DPH6: variants seen among roughly 807,000 people sequenced by gnomAD.
DPH6 encodes the protein diphthamine biosynthesis 6.
DPH6 carries 33 observed loss-of-function variants against 38.2 expected under a neutral mutation model. The observed-to-expected ratio is 0.86, with a 90% CI of 0.65 to 1.15. The LOEUF (loss-of-function observed/expected upper bound fraction) is 1.15. Ranked by LOEUF, DPH6 falls within the 50% of genes most tolerant of loss-of-function variation. The pLI, the probability that DPH6 is intolerant of heterozygous loss-of-function variation, is 0.00. For missense variants in DPH6, 325 were observed against 320.0 expected, an observed-to-expected ratio of 1.02 and a Z score of -0.12; for synonymous variants, 108 against 103.0, an observed-to-expected ratio of 1.05 and a Z score of -0.30.
At chr15:35,526,228 T>A (rs996176454) in intron 3 of DPH6, among the ~76,000 whole-genome samples, 3 of 152,172 alleles carry the variant, frequency 2.0e-5, no homozygotes, top group African/African-American at 7.2e-5. Flanking sequence ...GTAAGAGAAC[T>A]GGTCTTAAAA....
At chr15:35,223,016 T>G (rs890427418) in intron 3 of DPH6, among the ~76,000 whole-genome samples, 2 of 152,192 alleles carry the variant, frequency 1.3e-5, no homozygotes, top group African/African-American at 4.8e-5. Context: ...ACTTATTCCA[T>G]TTCACAGTTG....
In DPH6 at chr15:35,228,580, A is replaced by G. The variant is rs1007015196; in HGVS notation, n.201-7998T>C. ...GTAGCTGGGACCACAGACACGTGCC[A>G]CTATGCCTGGCTAATTTTTGTATTT... is the stretch of plus-strand genomic sequence containing the variant. On this transcript the variant is annotated intron_variant and non_coding_transcript_variant, in intron 3 of 3. Coordinates refer to the DPH6 transcript ENST00000560386. Among the ~76,000 whole-genome samples, 5 of 152,166 alleles carry G rather than the reference A, an allele frequency of 3.3e-5. No individual in the cohort carries two copies. In the South Asian group the frequency reaches 1.0e-3, roughly 32 times the overall value.
chr15:35,212,440 C>G (rs1207793814), downstream of DPH6, among the ~76,000 whole-genome samples: 1 of 152,046 alleles, frequency 6.6e-6, no homozygotes, highest in Non-Finnish European at 1.5e-5. Context: ...CAGGTTAGGG[C>G]TGATCCAATG....
chr15:35,241,198 T>G (rs2051595945), intron 3 of DPH6, among the ~76,000 whole-genome samples: 1 of 143,670 alleles, frequency 7.0e-6, no homozygotes, highest in Admixed American at 7.5e-5. Flanking sequence ...GGCCCAAGGC[T>G]CTCTGACTGA....
intron 7 of DPH6, among the ~76,000 whole-genome samples, chr15:35,377,482 C>T (rs1262600809): frequency 6.6e-6 from 1 of 152,134 alleles, no homozygotes; most frequent in African/African-American, 2.4e-5. Flanking sequence ...AAAATGACTA[C>T]TTTCATTAAC....
At chr15:35,246,158 C>T (rs1220163162) in intron 3 of DPH6, among the ~76,000 whole-genome samples, 1 of 152,148 alleles carries the variant, frequency 6.6e-6, no homozygotes, top group African/African-American at 2.4e-5. Flanking sequence ...CCTTTGCTGA[C>T]TCTCTTTTCG....
At chr15:35,354,137 T>C (rs1566878351) in intron 3 of DPH6, among the ~76,000 whole-genome samples, 1 of 152,234 alleles carries the variant, frequency 6.6e-6, no homozygotes, top group Non-Finnish European at 1.5e-5. Context: ...TTTTGTATCC[T>C]GAGACTTTGC....
In DPH6 at chr15:35,510,565, G is replaced by A. The variant is rs555974794; in HGVS notation, c.312+27709C>T. On this transcript the variant is annotated intron_variant, in intron 3 of 8. Coordinates refer to ENST00000256538, the MANE Select transcript of DPH6 (RefSeq NM_080650.4). ...AGTGGTAACCATAGGGATGAGGAAG[G>A]ATAAAAGCATTTCGATGCAGTAACC... 1.8e-4 allele frequency among the ~76,000 whole-genome samples: 27 copies of A among 152,224 alleles called. 1 individual carries two copies. Among genetic ancestry groups the A allele is most frequent in the Non-Finnish European group, 3.5e-4 (24 of 68,006 alleles).
At chr15:35,351,973 GC>G (rs1208244468) in intron 3 of DPH6, among the ~76,000 whole-genome samples, 5 of 152,048 alleles carry the variant, frequency 3.3e-5, no homozygotes, top group Admixed American at 1.3e-4. Flanking sequence ...TCCCATCTCG[GC>G]CTCCCAAAGT....
At chr15:35,532,255 T>A (rs974856751) in intron 3 of DPH6, among the ~76,000 whole-genome samples, 1 of 152,206 alleles carries the variant, frequency 6.6e-6, no homozygotes, top group Non-Finnish European at 1.5e-5. Flanking sequence ...GTTTGGACTA[T>A]ATCTTAATCA....
intron 3 of DPH6, among the ~76,000 whole-genome samples, chr15:35,491,783 A>G (rs1043197942): frequency 1.3e-5 from 2 of 150,352 alleles, no homozygotes; most frequent in South Asian, 2.1e-4. Context: ...ATGTATAGAC[A>G]TATTTTTATA....
intron 6 of DPH6, among the ~76,000 whole-genome samples, chr15:35,395,033 TTA>T (rs1306178253): frequency 1.3e-5 from 2 of 152,206 alleles, no homozygotes; most frequent in African/African-American, 4.8e-5. Context: ...TGCCTTTGGT[TTA>T]TATGTTATAA....
At chr15:35,164,446 G>A in the DPH6 span, among the ~76,000 whole-genome samples, 1 of 151,370 alleles carries the variant, frequency 6.6e-6, no homozygotes, top group South Asian at 2.1e-4. Flanking sequence ...CCTGAACTAT[G>A]AAACTTGGCA....
intron 3 of DPH6, among the ~76,000 whole-genome samples, chr15:35,287,890 A>G (rs879729797): frequency 3.3e-5 from 5 of 152,242 alleles, no homozygotes; most frequent in Non-Finnish European, 7.3e-5. Context: ...GATAAATAAC[A>G]TAACCTGTAA....
At chr15:35,409,718 A>G (rs1167386410) in intron 6 of DPH6, among the ~76,000 whole-genome samples, 2 of 151,984 alleles carry the variant, frequency 1.3e-5, no homozygotes, top group Admixed American at 6.6e-5. Flanking sequence ...TAATGGAGCT[A>G]CAGAACAAAT....
At chr15:35,236,401 G>A (rs980673427) in intron 3 of DPH6, among the ~76,000 whole-genome samples, 3 of 152,198 alleles carry the variant, frequency 2.0e-5, no homozygotes, top group African/African-American at 4.8e-5. Flanking sequence ...CACTTTGGGA[G>A]GCTGAGGCAG....
chr15:35,203,279 CAG>C, the DPH6 span, among the ~76,000 whole-genome samples: 68 of 151,482 alleles, frequency 4.5e-4, 1 homozygote, highest in Admixed American at 1.3e-4. Context: ...TCTTTTCTGC[CAG>C]ACATTTCATT....
At chr15:35,322,389 A>G (rs1410188573) in intron 3 of DPH6, among the ~76,000 whole-genome samples, 1 of 152,246 alleles carries the variant, frequency 6.6e-6, no homozygotes, top group East Asian at 1.9e-4. Context: ...AATTCCTCCC[A>G]AGGTTAGCTT....
chr15:35,491,789 T>G (rs983243282), intron 3 of DPH6, among the ~76,000 whole-genome samples: 1 of 150,228 alleles, frequency 6.7e-6, no homozygotes, highest in Non-Finnish European at 1.5e-5. Context: ...AGACATATTT[T>G]TATATATATT....
Sources: allele counts gnomAD v4.1 joint callset (sites outside exome capture counted in the v4.1 genomes callset), GRCh38; gene constraint gnomAD v4.1.1; transcripts MANE v1.5; gene names NCBI Gene and HGNC (gene_info 2026-07-23, HGNC 2026-07-21).